Variants in PRKCSH observed in about 807,000 individuals in gnomAD.
The protein encoded by PRKCSH is glucosidase 2 subunit beta.
PRKCSH carries 42 observed loss-of-function variants against 79.7 expected under a neutral mutation model. The ratio of observed to expected loss-of-function variants is 0.53; its 90% CI spans 0.41 to 0.68. The LOEUF (loss-of-function observed/expected upper bound fraction) is 0.68. Among genes scored for constraint, PRKCSH ranks in the 30% least tolerant of loss-of-function variants. The probability of loss-of-function intolerance (pLI) is 0.00; values close to 1 mark genes in which losing one functional copy is unlikely to be tolerated. For synonymous variants in PRKCSH, 325 were observed against 288.2 expected (o/e 1.13, Z -1.29); for missense variants, 686 against 709.0 (o/e 0.97, Z 0.37).
chr19:11,438,845 A>T (rs1327176312), intron 5 of PRKCSH, among the ~76,000 whole-genome samples: 1 of 151,698 alleles, frequency 6.6e-6, no homozygotes, highest in Non-Finnish European at 1.5e-5. Context: ...ATCTAGGGGA[A>T]CAGCTGTTCT....
intron 7 of PRKCSH, 36 bp downstream of exon 7, chr19:11,442,551 C>T: frequency 1.2e-6 from 2 of 1,603,614 alleles, no homozygotes; most frequent in Non-Finnish European, 1.7e-6. Context: ...ACCTTCAGTC[C>T]TGGGTGGGAG....
At chr19:11,440,945 A>G in intron 5 of PRKCSH, 1 of 398,754 alleles carries the variant, frequency 2.5e-6, no homozygotes, top group Non-Finnish European at 4.8e-6. Context: ...GATTACAGGC[A>G]TGAACCACTG....
intron 9 of PRKCSH, 48 bp downstream of exon 9, chr19:11,446,398 C>T (rs1159231962): frequency 6.3e-7 from 1 of 1,581,642 alleles, no homozygotes; most frequent in Admixed American, 1.8e-5. Flanking sequence ...AGCATTGCCC[C>T]AGGGTGACCT....
chr19:11,442,732 C>T (rs991873559), intron 7 of PRKCSH, among the ~76,000 whole-genome samples: 2 of 152,274 alleles, frequency 1.3e-5, no homozygotes, highest in South Asian at 4.1e-4. Context: ...AACAGCGTCT[C>T]CCTCTGCCAC....
intron 9 of PRKCSH, 80 bp downstream of exon 9, chr19:11,446,430 A>G: frequency 1.3e-6 from 2 of 1,494,980 alleles, no homozygotes; most frequent in Non-Finnish European, 1.8e-6. Context: ...AGGGGGACCA[A>G]GGAAAGCTCC....
In PRKCSH at chr19:11,446,278, G is replaced by A. The variant is rs373431632; in HGVS notation, c.690G>A (p.Ser230=). The change falls in exon 9 of 18, where the codon TCG becomes TCA. Residue 230 remains serine (S), a synonymous_variant. Transcript: ENST00000677123. ...ELDDDMDGTV[S]VTELQTHPEL... ...TTCTGCCACGCCCCCGCAGGGTCTC[G>A]GTGACTGAGCTGCAGACTCACCCGG... The A allele has an allele frequency of 9.9e-5, 160 of 1,613,570 alleles. No homozygotes were observed. The highest frequency in any genetic ancestry group is 1.1e-4 in the East Asian group (5 of 44,872).
rs886054197 is a variant in PRKCSH, at chr19:11,441,293, G to T, written c.404G>T (p.Arg135Leu). 1.2e-6 allele frequency: 2 copies of T among 1,614,114 alleles called. No individual in the cohort carries two copies. The highest frequency in any genetic ancestry group is 1.7e-6 in the Non-Finnish European group (2 of 1,179,994). ...CTGCAGCAGATGGCCGAGGTCACCC[G>T]CGAAGGGTTCCGTCTGAAGAAGATC... ...ESLQQMAEVT[R>L]EGFRLKKILI... The change falls in exon 6 of 18, where the codon CGC (arginine) becomes CTC (leucine). Residue 135 changes from arginine to leucine, a missense_variant. By Grantham distance (102) the Arg-to-Leu change is moderately radical (BLOSUM62 -2). Around this residue, in one of 2 missense-constraint regions of PRKCSH, gnomAD observed 549 missense variants for 520.2 expected, o/e 1.06. Coordinates refer to ENST00000677123, the MANE Select transcript of PRKCSH (RefSeq NM_001289104.2).
chr19:11,441,946 T>C (rs1970081686), intron 6 of PRKCSH, among the ~76,000 whole-genome samples: 1 of 152,208 alleles, frequency 6.6e-6, no homozygotes, highest in Admixed American at 6.5e-5. Flanking sequence ...TCTCCCTCTC[T>C]GCCTTGGGGG....
At chr19:11,435,948 A>G in intron 1 of PRKCSH, 93 bp from the exon 2 acceptor site, 1 of 1,042,306 alleles carries the variant, frequency 9.6e-7, no homozygotes, top group Admixed American at 1.8e-5. Context: ...TATCGGAAAC[A>G]AAGTGAGGCC....
At position 11,447,316 on chromosome 19, in the gene PRKCSH, T is replaced by A; in HGVS notation, c.850-123T>A. On this transcript the variant is annotated intron_variant, in intron 10 of 17. Coordinates refer to ENST00000677123, the MANE Select transcript of PRKCSH (RefSeq NM_001289104.2). The surrounding 1 kb of genome is among the most constrained non-coding windows in gnomAD (Gnocchi z 5.6). ...GAGACCCCCCGACCCCAGCTGTCGG[T>A]CCTCCCTGCAGGCCCCGCAGGAGGG... The A allele has an allele frequency of 1.6e-6, 2 of 1,288,686 alleles. No homozygotes were observed. Among genetic ancestry groups the A allele is most frequent in the South Asian group, 1.2e-5 (1 of 80,048 alleles). 79.8% of individuals were successfully genotyped at this position (1,288,686 alleles called of 1,614,324 possible). A position where few individuals can be genotyped will look rare whatever the true frequency, so the allele number is the denominator to read the frequency against.
chr19:11,443,033 T>G (rs1237219561), intron 7 of PRKCSH, among the ~76,000 whole-genome samples: 1 of 152,086 alleles, frequency 6.6e-6, no homozygotes, highest in Non-Finnish European at 1.5e-5. Context: ...CAATGTAGAT[T>G]TTGTTATATG....
intron 9 of PRKCSH, 51 bp downstream of exon 9, chr19:11,446,401 G>A (rs759871764): frequency 1.3e-6 from 2 of 1,575,908 alleles, no homozygotes; most frequent in African/African-American, 1.4e-5. Context: ...ATTGCCCCAG[G>A]GTGACCTCAG....
At chr19:11,440,721 G>A (rs1970025204) in intron 5 of PRKCSH, among the ~76,000 whole-genome samples, 1 of 152,150 alleles carries the variant, frequency 6.6e-6, no homozygotes, top group Non-Finnish European at 1.5e-5. Context: ...CCAAAGTGCT[G>A]GGATTACAGG....
chr19:11,447,435 C>T lies in PRKCSH; in HGVS notation c.850-4C>T, dbSNP rs1028685197. 6.2e-6 allele frequency: 10 copies of T among 1,613,788 alleles called. No individual in the cohort carries two copies. Among genetic ancestry groups the T allele is most frequent in the Non-Finnish European group, 8.5e-6 (10 of 1,179,978 alleles). On this transcript the variant is annotated splice_polypyrimidine_tract_variant and splice_region_variant and intron_variant, in intron 10 of 17. Transcript: ENST00000677123. This position sits in a 1 kb window ranked among gnomAD's most constrained non-coding sequence, Gnocchi z 5.6. ...CAACACCGACCGCACTGCTCACCCG[C>T]CAGGCACTGCCCACCGACCTTCCAG...
Position 11,445,476 on chromosome 19 carries a change from G to A in PRKCSH, c.683+3G>A. On this transcript the variant is annotated splice_donor_region_variant and intron_variant, in intron 8 of 17. Coordinates refer to ENST00000677123, the MANE Select transcript of PRKCSH (RefSeq NM_001289104.2). ...CTGGATGATGACATGGACGGGACGT[G>A]AGTGTCCCCTAGTTGGAGCTGCCCA... 1 of 1,613,610 alleles carries A rather than the reference G, an allele frequency of 6.2e-7. No individual in the cohort carries two copies. Among genetic ancestry groups the A allele is most frequent in the East Asian group, 2.2e-5 (1 of 44,866 alleles).
At chr19:11,440,627 A>C (rs1251692907) in intron 5 of PRKCSH, among the ~76,000 whole-genome samples, 1 of 150,118 alleles carries the variant, frequency 6.7e-6, no homozygotes, top group Non-Finnish European at 1.5e-5. Context: ...TAATTTTTGC[A>C]TTTTCAGTAG....
In PRKCSH at chr19:11,449,117, G is replaced by A; in HGVS notation, c.1403G>A (p.Ser468Asn). Residue 468 changes from serine (S) to asparagine (N), a missense_variant, in exon 16 of 18, where the codon AGT (serine) becomes AAT (asparagine). Transcript: ENST00000677123. This position sits in a 1 kb window ranked among gnomAD's most constrained non-coding sequence, Gnocchi z 6.4. ...SWIGPDHDKF[S>N]AMKYEQGTGC... The stretch of plus-strand genomic sequence containing the variant: ...ATTGGCCCCGACCACGACAAGTTCA[G>A]TGCCATGAAGTATGAGCAAGGCACG... The A allele has an allele frequency of 1.9e-6, 3 of 1,613,842 alleles. No individual in the cohort carries two copies. Among genetic ancestry groups the A allele is most frequent in the Non-Finnish European group, 2.5e-6 (3 of 1,180,036 alleles).
At chr19:11,450,582 A>G (rs995176160) in intron 17 of PRKCSH, 64 bp from the exon 18 acceptor site, 1 of 152,288 alleles carries the variant, frequency 6.6e-6, no homozygotes, top group African/African-American at 2.4e-5. Context: ...AGCCGGGACT[A>G]CAGGCAAACA....
chr19:11,439,812 T>G (rs768740953), intron 5 of PRKCSH, among the ~76,000 whole-genome samples: 48 of 151,258 alleles, frequency 3.2e-4, no homozygotes, highest in Non-Finnish European at 6.2e-4. Flanking sequence ...GTAGAGACGG[T>G]GTTTCACAAT....
Sources: allele counts gnomAD v4.1 joint callset (sites outside exome capture counted in the v4.1 genomes callset), GRCh38; gene constraint gnomAD v4.1.1; regional missense constraint gnomAD v4.1.1; non-coding constraint Gnocchi (gnomAD v3.1); transcripts MANE v1.5; gene names NCBI Gene and HGNC (gene_info 2026-07-23, HGNC 2026-07-21).